The following DNAJB6 variants were observed in gnomAD, a reference collection of about 807,000 sequenced individuals.
DNAJB6 encodes the protein dnaJ homolog subfamily B member 6.
A neutral mutation model predicts 42.7 loss-of-function variants in DNAJB6; 16 were observed. The ratio of observed to expected loss-of-function variants is 0.37; its 90% CI spans 0.25 to 0.57. The LOEUF is 0.57. Among genes scored for constraint, DNAJB6 ranks in the 20% least tolerant of loss-of-function variants. The probability of loss-of-function intolerance (pLI) is 0.74; values close to 1 mark genes in which losing one functional copy is unlikely to be tolerated. For missense variants in DNAJB6, 347 were observed against 416.8 expected (o/e 0.83, Z 1.46); for synonymous variants, 170 against 163.5 (o/e 1.04, Z -0.30).
At chr7:157,347,029 C>G (rs917867621) in intron 1 of DNAJB6, among the ~76,000 whole-genome samples, 2 of 151,758 alleles carry the variant, frequency 1.3e-5, no homozygotes, top group African/African-American at 4.8e-5. Context: ...CTAATTTTTT[C>G]TATTTTTAGT....
chr7:157,384,695 TC>T (rs1052485121), intron 6 of DNAJB6, among the ~76,000 whole-genome samples, 171 bp from the exon 7 acceptor site: 5 of 152,310 alleles, frequency 3.3e-5, no homozygotes, highest in Admixed American at 6.5e-5. Flanking sequence ...AGACAGTCTT[TC>T]CCCCTGGGCA....
chr7:157,368,565 G>A (rs35759293), intron 5 of DNAJB6: 69,531 of 152,124 alleles, frequency 0.46, 16,734 homozygotes, highest in East Asian at 0.68. Flanking sequence ...TTTCTCATCA[G>A]TGGCATCTCA....
intron 9 of DNAJB6, chr7:157,414,548 C>T (rs1276813996): frequency 6.6e-6 from 1 of 152,298 alleles, no homozygotes; most frequent in Non-Finnish European, 1.5e-5. Context: ...TTTCCGTAAC[C>T]GTAGCTTGAG....
At chr7:157,356,946 A>G (rs1012335704) in intron 1 of DNAJB6, among the ~76,000 whole-genome samples, 1 of 152,018 alleles carries the variant, frequency 6.6e-6, no homozygotes, top group Non-Finnish European at 1.5e-5. Flanking sequence ...ATACATCTAA[A>G]TAGATCCTGA....
intron 5 of DNAJB6, among the ~76,000 whole-genome samples, chr7:157,371,503 G>A (rs185943292): frequency 1.5e-4 from 23 of 152,248 alleles, no homozygotes; most frequent in Admixed American, 1.3e-3. Context: ...TGGGGCCTGC[G>A]GTGTGGAACC....
chr7:157,388,970 A>T (rs1458021219), intron 8 of DNAJB6, among the ~76,000 whole-genome samples: 1 of 152,212 alleles, frequency 6.6e-6, no homozygotes, highest in Non-Finnish European at 1.5e-5. Context: ...GAAAGATGTC[A>T]ATCAATAGTG....
chr7:157,347,101 T>C lies in DNAJB6; in HGVS notation c.-27+9957T>C, dbSNP rs567832620. Among the ~76,000 whole-genome samples the C allele has an allele frequency of 4.2e-3, 645 of 152,340 alleles. 5 individuals carry two copies. Among genetic ancestry groups the C allele is most frequent in the African/African-American group, 0.015 (615 of 41,582 alleles). The stretch of plus-strand genomic sequence containing the variant: ...TGATCTCCTGACCTCGTGATTCGCC[T>C]GCCTCGGCCTCCCAAAGTGCTGGGA... On this transcript the variant is annotated intron_variant, in intron 1 of 9. Transcript: ENST00000262177.
chr7:157,385,046 A>C, intron 7 of DNAJB6, 38 bp downstream of exon 7: 1 of 1,598,052 alleles, frequency 6.3e-7, no homozygotes, highest in Non-Finnish European at 8.6e-7. Context: ...TTTAGTAAGC[A>C]GGCGTAACGT....
In DNAJB6 at chr7:157,388,942, C is replaced by T. The variant is rs575699492; in HGVS notation, c.691+3331C>T. Reference sequence around the variant, plus strand: ...GATTCCAGGCTTGATTTTGGAAACTCGGGGTTTTAAATAATCTGAAAGATG... The same window carrying T: ...GATTCCAGGCTTGATTTTGGAAACTTGGGGTTTTAAATAATCTGAAAGATG... On this transcript the variant is annotated intron_variant, in intron 8 of 9. Transcript: ENST00000262177. 5.3e-5 allele frequency among the ~76,000 whole-genome samples: 8 copies of T among 152,250 alleles called. No individual in the cohort carries two copies. The East Asian group carries it at 7.7e-4, about 15-fold the overall frequency.
At chr7:157,399,616 A>G (rs1455064613) in intron 8 of DNAJB6, among the ~76,000 whole-genome samples, 1 of 151,872 alleles carries the variant, frequency 6.6e-6, no homozygotes. Flanking sequence ...ATCACCTAAC[A>G]TACCCCTGTT....
chr7:157,382,510 C>G, intron 6 of DNAJB6, 133 bp downstream of exon 6: 1 of 988,484 alleles, frequency 1.0e-6, no homozygotes, highest in Non-Finnish European at 1.4e-6. Context: ...GATTTGCCAG[C>G]TTTTTTTGGT....
chr7:157,392,558 T>A (rs1227036259), intron 8 of DNAJB6, among the ~76,000 whole-genome samples: 1 of 152,180 alleles, frequency 6.6e-6, no homozygotes, highest in Non-Finnish European at 1.5e-5. Flanking sequence ...TGTCCCAGAT[T>A]TCTTGCCCGC....
At chr7:157,358,659 G>A (rs776679517) in intron 2 of DNAJB6, 22 bp downstream of exon 2, 1 of 1,578,006 alleles carries the variant, frequency 6.3e-7, no homozygotes, top group Non-Finnish European at 8.7e-7. Flanking sequence ...TATTTCTGTG[G>A]TAATGCATTT....
intron 1 of DNAJB6, among the ~76,000 whole-genome samples, chr7:157,348,601 T>G (rs1798808383): frequency 6.6e-6 from 1 of 152,176 alleles, no homozygotes; most frequent in South Asian, 2.1e-4. Flanking sequence ...AGCATCTTCG[T>G]AACCCTGCCG....
chr7:157,377,416 A>G (rs1800526458), intron 5 of DNAJB6, among the ~76,000 whole-genome samples: 1 of 152,190 alleles, frequency 6.6e-6, no homozygotes, highest in Non-Finnish European at 1.5e-5. Context: ...AGGTTTGAAG[A>G]CCCATTTAAA....
chr7:157,365,407 G>A (rs1799794725), intron 3 of DNAJB6, among the ~76,000 whole-genome samples: 3 of 152,224 alleles, frequency 2.0e-5, no homozygotes, highest in South Asian at 4.1e-4. Flanking sequence ...CCTTGCATCC[G>A]GGTGGTCCAC....
chr7:157,394,616 TCCTC>T (rs1218855812), intron 8 of DNAJB6, among the ~76,000 whole-genome samples: 3 of 152,356 alleles, frequency 2.0e-5, no homozygotes, highest in South Asian at 4.1e-4. Flanking sequence ...AATTTGTCCT[TCCTC>T]CATGATGAAT....
intron 5 of DNAJB6, chr7:157,378,009 A>G (rs1373958542): frequency 6.6e-6 from 1 of 152,228 alleles, no homozygotes; most frequent in Non-Finnish European, 1.5e-5. Context: ...AATAGGCAAT[A>G]TGTGTGTATT....
chr7:157,364,382 G>A (rs549932331), intron 3 of DNAJB6, among the ~76,000 whole-genome samples: 5 of 152,108 alleles, frequency 3.3e-5, no homozygotes, highest in Non-Finnish European at 7.3e-5. Context: ...TAAAAACACC[G>A]ATATTTGAAG....
Sources: allele counts gnomAD v4.1 joint callset (sites outside exome capture counted in the v4.1 genomes callset), GRCh38; gene constraint gnomAD v4.1.1; transcripts MANE v1.5; gene names NCBI Gene and HGNC (gene_info 2026-07-23, HGNC 2026-07-21).